Variants in LPAR1 observed in about 807,000 individuals in gnomAD.
LPAR1 encodes the protein lysophosphatidic acid receptor 1.
LPAR1 carries 5 observed loss-of-function variants against 23.8 expected under a neutral mutation model. The observed-to-expected ratio is 0.21, with a 90% confidence interval of 0.11 to 0.44. The LOEUF (loss-of-function observed/expected upper bound fraction) is 0.44. Among genes scored for constraint, LPAR1 ranks in the 20% least tolerant of loss-of-function variants. The probability of loss-of-function intolerance (pLI) is 0.99; values close to 1 mark genes in which losing one functional copy is unlikely to be tolerated. For missense variants in LPAR1, 311 were observed against 482.8 expected, an observed-to-expected ratio of 0.64 and a Z score of 3.33; for synonymous variants, 160 against 164.7, an observed-to-expected ratio of 0.97 and a Z score of 0.22.
At chr9:111,012,060 G>C (rs533793079) in intron 2 of LPAR1, among the ~76,000 whole-genome samples, 2 of 152,236 alleles carry the variant, frequency 1.3e-5, no homozygotes, top group East Asian at 3.9e-4. Context: ...GACCAGGCTG[G>C]ACAACATAGC....
At chr9:110,913,507 ATATATG>A (rs2092706353) in intron 5 of LPAR1, among the ~76,000 whole-genome samples, 1 of 150,268 alleles carries the variant, frequency 6.7e-6, no homozygotes, top group Non-Finnish European at 1.5e-5. Context: ...GTATTTATAT[ATATATG>A]TATATGTACA....
chr9:110,936,427 A>G (rs2094712296), intron 5 of LPAR1, among the ~76,000 whole-genome samples: 1 of 152,226 alleles, frequency 6.6e-6, no homozygotes, highest in Non-Finnish European at 1.5e-5. Context: ...TCCTGTGGCC[A>G]AAAGGCATGG....
intron 5 of LPAR1, among the ~76,000 whole-genome samples, chr9:110,934,993 G>A (rs2094604534): frequency 6.6e-6 from 1 of 152,160 alleles, no homozygotes. Flanking sequence ...TGCTAATAAT[G>A]TACAAGCGAT....
rs774086207 is a variant in LPAR1, at chr9:110,972,158, T to C, written c.-41A>G. On this transcript the variant is annotated 5_prime_UTR_variant, in exon 4 of 6. Coordinates refer to ENST00000683809, the MANE Select transcript of LPAR1 (RefSeq NM_001351411.2). ...GTAGGTGGTGAACACGCCCCAGAACTACGGGAGACAAATTTTCTTGTTTGC... is the reference window on the plus strand; with the variant it reads ...GTAGGTGGTGAACACGCCCCAGAACCACGGGAGACAAATTTTCTTGTTTGC... 5 of 1,590,458 alleles carry C rather than the reference T, an allele frequency of 3.1e-6. No homozygotes were observed. Among genetic ancestry groups the C allele is most frequent in the Non-Finnish European group, 4.3e-6 (5 of 1,158,644 alleles).
At chr9:110,944,317 A>T (rs2095295957) in intron 4 of LPAR1, among the ~76,000 whole-genome samples, 1 of 152,210 alleles carries the variant, frequency 6.6e-6, no homozygotes, top group Admixed American at 6.5e-5. Flanking sequence ...TAGCTTGCTT[A>T]TTCATTGTTG....
chr9:110,972,649 T>G (rs757466770), intron 3 of LPAR1, among the ~76,000 whole-genome samples: 45 of 152,222 alleles, frequency 3.0e-4, no homozygotes, highest in South Asian at 1.0e-3. Flanking sequence ...CAGTGGATAC[T>G]TGAAACTGGA....
intron 5 of LPAR1, among the ~76,000 whole-genome samples, chr9:110,939,060 A>G (rs1035154712): frequency 6.6e-6 from 1 of 152,146 alleles, no homozygotes; most frequent in Non-Finnish European, 1.5e-5. Context: ...TCCTGGGCAG[A>G]GCCAAGAACT....
At chr9:110,887,571 A>C (rs7042720) in intron 5 of LPAR1, among the ~76,000 whole-genome samples, 3,782 of 152,214 alleles carry the variant, frequency 0.025, 154 homozygotes, top group African/African-American at 0.086. Context: ...TTTATCAAAA[A>C]CTTTTTCTAA....
chr9:111,029,771 C>T (rs2097763563), intron 2 of LPAR1, among the ~76,000 whole-genome samples: 1 of 151,854 alleles, frequency 6.6e-6, no homozygotes. Flanking sequence ...TGTCCTCAGG[C>T]CAGGCACGGT....
intron 5 of LPAR1, among the ~76,000 whole-genome samples, chr9:110,926,890 C>G (rs1307473523): frequency 3.3e-5 from 5 of 152,120 alleles, no homozygotes; most frequent in African/African-American, 1.2e-4. Flanking sequence ...TAATTTAAAC[C>G]AAAGCCGGCA....
At chr9:111,001,136 A>G (rs1302458986) in intron 2 of LPAR1, among the ~76,000 whole-genome samples, 2 of 152,220 alleles carry the variant, frequency 1.3e-5, no homozygotes, top group Non-Finnish European at 2.9e-5. Context: ...TACTCCTACT[A>G]TTCAACACAG....
intron 2 of LPAR1, among the ~76,000 whole-genome samples, chr9:111,003,158 C>G (rs900757077): frequency 7.9e-5 from 12 of 152,080 alleles, no homozygotes; most frequent in African/African-American, 2.2e-4. Context: ...ATTTTATCAA[C>G]GACTACATTA....
At chr9:110,906,811 G>T (rs1418547516) in intron 5 of LPAR1, among the ~76,000 whole-genome samples, 1 of 151,958 alleles carries the variant, frequency 6.6e-6, no homozygotes, top group Non-Finnish European at 1.5e-5. Flanking sequence ...TAAAGTAAAT[G>T]AACTATATAT....
At chr9:110,917,672 G>A (rs886975794) in intron 5 of LPAR1, among the ~76,000 whole-genome samples, 2 of 152,148 alleles carry the variant, frequency 1.3e-5, no homozygotes, top group Non-Finnish European at 2.9e-5. Context: ...ATACCCAAAT[G>A]AGAAATGTCT....
intron 5 of LPAR1, among the ~76,000 whole-genome samples, chr9:110,929,445 T>G (rs1218454308): frequency 6.6e-6 from 1 of 152,196 alleles, no homozygotes; most frequent in Non-Finnish European, 1.5e-5. Context: ...AAAAATTCAA[T>G]TTTGACACAG....
chr9:110,923,213 C>A (rs761317770), intron 5 of LPAR1, among the ~76,000 whole-genome samples: 1 of 152,150 alleles, frequency 6.6e-6, no homozygotes, highest in Admixed American at 6.5e-5. Context: ...ATATGATAAT[C>A]TGATGAAAAC....
intron 5 of LPAR1, among the ~76,000 whole-genome samples, chr9:110,915,519 C>G (rs1324660105): frequency 6.6e-6 from 1 of 152,040 alleles, no homozygotes; most frequent in Non-Finnish European, 1.5e-5. Flanking sequence ...GCACTCCAGC[C>G]TGGGAGACAG....
intron 2 of LPAR1, among the ~76,000 whole-genome samples, chr9:111,035,088 CT>C (rs1416978801): frequency 6.8e-6 from 1 of 148,026 alleles, no homozygotes; most frequent in East Asian, 1.9e-4. Context: ...TCTTTCCCCC[CT>C]GTGTTGCAGT....
intron 5 of LPAR1, among the ~76,000 whole-genome samples, chr9:110,929,533 T>C (rs921609044): frequency 1.8e-4 from 28 of 152,202 alleles, no homozygotes; most frequent in African/African-American, 6.8e-4. Context: ...TACAATCCTT[T>C]ATTTCAAGGC....
Sources: allele counts gnomAD v4.1 joint callset (sites outside exome capture counted in the v4.1 genomes callset), GRCh38; gene constraint gnomAD v4.1.1; transcripts MANE v1.5; gene names NCBI Gene and HGNC (gene_info 2026-07-23, HGNC 2026-07-21).